Variants in PIEZO2 observed in about 807,000 individuals in gnomAD.
The protein encoded by PIEZO2 is piezo type mechanosensitive ion channel component 2.
In PIEZO2, 172 loss-of-function variants were observed where a neutral mutation model predicts 337.3. The observed-to-expected ratio is 0.51, with a 90% CI of 0.45 to 0.58. The LOEUF (loss-of-function observed/expected upper bound fraction) is 0.58. Among genes scored for constraint, PIEZO2 ranks in the 20% least tolerant of loss-of-function variants. The probability of loss-of-function intolerance (pLI) is 0.00; values close to 1 mark genes in which losing one functional copy is unlikely to be tolerated. For synonymous variants in PIEZO2, 1,251 were observed against 1,228.5 expected (o/e 1.02, Z -0.38); for missense variants, 3,028 against 3,391.3 (o/e 0.89, Z 2.66).
In PIEZO2 at chr18:10,821,538, T is replaced by TA. The variant is rs1352401660; in HGVS notation, c.918-14265dup. On this transcript the variant is annotated intron_variant, in intron 7 of 55. Coordinates refer to ENST00000674853, the MANE Select transcript of PIEZO2 (RefSeq NM_001378183.1). The surrounding 1 kb of genome is among the most constrained non-coding windows in gnomAD (Gnocchi z 4.2). Reference sequence around the variant, plus strand: ...AACACTATATGAATAATAAATATTTTATTTGTAACCAGCTTATACATTAAA... The same window carrying TA: ...AACACTATATGAATAATAAATATTTTAATTTGTAACCAGCTTATACATTAAA... Among the ~76,000 whole-genome samples, 35 of 152,222 alleles carry TA rather than the reference T, an allele frequency of 2.3e-4. No homozygotes were observed. The highest frequency in any genetic ancestry group is 4.4e-4 in the Non-Finnish European group (30 of 68,040).
At position 10,705,582 on chromosome 18, in the gene PIEZO2, T is replaced by G. The variant is rs1156536662; in HGVS notation, c.5753A>C (p.Glu1918Ala). The G allele has an allele frequency of 1.3e-6, 2 of 1,537,106 alleles. No homozygotes were observed. The highest frequency in any genetic ancestry group is 3.9e-5 in the Admixed American group (2 of 50,984). Residue 1918 changes from glutamate to alanine, a missense_variant, in exon 41 of 56, where the codon GAG (glutamate) becomes GCG (alanine). Physicochemically the swap from Glu to Ala is moderately radical, Grantham distance 107. This residue lies in a region of PIEZO2 where 1,925 missense variants were observed against 2,051.9 expected (regional missense o/e 0.94). Transcript: ENST00000674853. Reference protein sequence around the residue: ...TGYDVGAMGAEEASLTPEEEL... With the variant: ...TGYDVGAMGAAEASLTPEEEL... The stretch of plus-strand genomic sequence containing the variant: ...TTCCTCTGGGGTGAGGCTGGCCTCC[T>G]CGGCACCCATGGCTCCCACATCGTA...
At chr18:10,745,304 G>A (rs193092809) in intron 30 of PIEZO2, among the ~76,000 whole-genome samples, 37 of 151,938 alleles carry the variant, frequency 2.4e-4, no homozygotes, top group African/African-American at 7.0e-4. Flanking sequence ...CATCAGTACC[G>A]AATTCTGTCC....
chr18:10,880,898 T>TATATAA (rs2042401244), intron 4 of PIEZO2, among the ~76,000 whole-genome samples: 1 of 89,882 alleles, frequency 1.1e-5, no homozygotes, highest in South Asian at 3.8e-4. Context: ...TATATATATA[T>TATATAA]ATAATTTTGA....
chr18:10,800,779 G>T (rs981241412), intron 10 of PIEZO2, among the ~76,000 whole-genome samples: 4 of 151,382 alleles, frequency 2.6e-5, no homozygotes, highest in Non-Finnish European at 4.4e-5. Context: ...GGCTGAAGGA[G>T]GCCTTCAAGA....
At position 10,781,038 on chromosome 18, in the gene PIEZO2, A is replaced by AG. The variant is rs2038964025; in HGVS notation, c.2493-673dup. ...TGCTACCCCAGAATTAAAAAAAAAA[A>AG]GGATCCTACTCAGCGGCCATATTCA... On this transcript the variant is annotated intron_variant, in intron 17 of 55. Coordinates refer to ENST00000674853, the MANE Select transcript of PIEZO2 (RefSeq NM_001378183.1). This position sits in a 1 kb window ranked among gnomAD's most constrained non-coding sequence, Gnocchi z 4.1. 2.6e-5 allele frequency among the ~76,000 whole-genome samples: 4 copies of AG among 151,962 alleles called. No individual in the cohort carries two copies. The South Asian group carries it at 8.3e-4, about 31-fold the overall frequency.
intron 3 of PIEZO2, among the ~76,000 whole-genome samples, chr18:10,931,140 T>C (rs976878579): frequency 1.3e-5 from 2 of 152,098 alleles, no homozygotes; most frequent in Non-Finnish European, 2.9e-5. Flanking sequence ...CTCTCTTCTC[T>C]ATTTATCTGT....
chr18:11,048,410 T>C lies in PIEZO2; in HGVS notation c.160+17717A>G, dbSNP rs903278334. 6.6e-6 allele frequency among the ~76,000 whole-genome samples: 1 copy of C among 152,212 alleles called. No individual in the cohort carries two copies. On this transcript the variant is annotated intron_variant, in intron 2 of 55. Transcript: ENST00000674853. This position sits in a 1 kb window ranked among gnomAD's most constrained non-coding sequence, Gnocchi z 4.5. Reference sequence around the variant, plus strand: ...TTATTCTGTGACCAAAGGAAATGAATGCATATTTTGTACCAGTATTCTCAG... The same window carrying C: ...TTATTCTGTGACCAAAGGAAATGAACGCATATTTTGTACCAGTATTCTCAG...
intron 2 of PIEZO2, among the ~76,000 whole-genome samples, chr18:11,000,284 T>C (rs2035483167): frequency 6.6e-6 from 1 of 152,220 alleles, no homozygotes; most frequent in South Asian, 2.1e-4. Flanking sequence ...TTGCAAAAGC[T>C]CAATTTTCTA....
intron 4 of PIEZO2, among the ~76,000 whole-genome samples, chr18:10,907,153 G>C (rs1172448001): frequency 6.6e-6 from 1 of 152,096 alleles, no homozygotes; most frequent in Admixed American, 6.5e-5. Context: ...ATTGAATTAA[G>C]AAAGATGGTC....
chr18:10,935,649 A>T (rs1368477608), intron 3 of PIEZO2, among the ~76,000 whole-genome samples: 1 of 152,188 alleles, frequency 6.6e-6, no homozygotes, highest in Non-Finnish European at 1.5e-5. Context: ...CCATGAACAA[A>T]TCTTGGCTTC....
chr18:10,728,954 C>CA (rs143511795), intron 36 of PIEZO2, among the ~76,000 whole-genome samples: 2,449 of 75,080 alleles, frequency 0.033, 65 homozygotes, highest in African/African-American at 0.066. Flanking sequence ...GACTCTGTCT[C>CA]AAAAAAAAAA....
rs185032250 is a variant in PIEZO2 at position 10,847,033 on chromosome 18, T to G, written c.917+8320A>C. Reference sequence around the variant, plus strand: ...ACTATCTTCACCCCTATTTTATAAATAAGGAAACAGAGGTACAGAGAGTTT... The same window carrying G: ...ACTATCTTCACCCCTATTTTATAAAGAAGGAAACAGAGGTACAGAGAGTTT... On this transcript the variant is annotated intron_variant, in intron 7 of 55. Transcript: ENST00000674853. The surrounding 1 kb of genome is among the most constrained non-coding windows in gnomAD (Gnocchi z 5.7). Among the ~76,000 whole-genome samples the G allele has an allele frequency of 1.1e-3, 162 of 152,228 alleles. No individual in the cohort carries two copies. Among genetic ancestry groups the G allele is most frequent in the Non-Finnish European group, 1.7e-3 (113 of 68,012 alleles).
Position 10,939,465 on chromosome 18 carries a change from T to C in PIEZO2, c.287-28237A>G, listed in dbSNP as rs1025463883. On this transcript the variant is annotated intron_variant, in intron 3 of 55. Coordinates refer to ENST00000674853, the MANE Select transcript of PIEZO2 (RefSeq NM_001378183.1). ...TCATTCTACTATAAAGACACATGCA[T>C]ACCTGTGTGTATTGCAACACTATTT... is the stretch of plus-strand genomic sequence containing the variant. Among the ~76,000 whole-genome samples, 9 of 152,294 alleles carry C rather than the reference T, an allele frequency of 5.9e-5. No homozygotes were observed. The South Asian group carries it at 1.9e-3, about 32-fold the overall frequency.
At chr18:10,939,154 A>C (rs890879603) in intron 3 of PIEZO2, among the ~76,000 whole-genome samples, 1 of 152,208 alleles carries the variant, frequency 6.6e-6, no homozygotes, top group African/African-American at 2.4e-5. Context: ...GTTTTCATAA[A>C]TCTTATATTT....
Position 11,016,323 on chromosome 18 carries a change from C to T in PIEZO2, c.161-36663G>A, listed in dbSNP as rs952337066. On this transcript the variant is annotated intron_variant, in intron 2 of 55. Transcript: ENST00000674853. This position sits in a 1 kb window ranked among gnomAD's most constrained non-coding sequence, Gnocchi z 5.6. ...GAGACACAGAATGTGGCGGTAGAGA[C>T]GGTCAGAGCGAAAAAACAGGCACAG... Among the ~76,000 whole-genome samples, 1 of 152,032 alleles carries T rather than the reference C, an allele frequency of 6.6e-6. No homozygotes were observed. The highest frequency in any genetic ancestry group is 2.1e-4 in the South Asian group (1 of 4,802).
At chr18:11,037,018 T>G (rs914225430) in intron 2 of PIEZO2, among the ~76,000 whole-genome samples, 5 of 152,042 alleles carry the variant, frequency 3.3e-5, no homozygotes, top group Non-Finnish European at 7.4e-5. Flanking sequence ...CAGGTTGGAG[T>G]GCAATGGCAC....
chr18:10,726,799 C>T lies in PIEZO2; in HGVS notation c.5029+4608G>A. The T allele has an allele frequency of 5.1e-6, 8 of 1,555,378 alleles. No individual in the cohort carries two copies. The highest frequency in any genetic ancestry group is 7.1e-6 in the Non-Finnish European group (8 of 1,133,534). On this transcript the variant is annotated intron_variant, in intron 36 of 55. Coordinates refer to ENST00000674853, the MANE Select transcript of PIEZO2 (RefSeq NM_001378183.1). The surrounding 1 kb of genome is among the most constrained non-coding windows in gnomAD (Gnocchi z 5.9). Reference sequence around the variant, plus strand: ...GGTGTCCTATGAGGATGTGGACCACCTGCGGCCCCATGGGGTGCTGGATAA... The same window carrying T: ...GGTGTCCTATGAGGATGTGGACCACTTGCGGCCCCATGGGGTGCTGGATAA...
intron 2 of PIEZO2, among the ~76,000 whole-genome samples, chr18:11,005,055 A>G (rs1327647168): frequency 6.6e-6 from 1 of 152,274 alleles, no homozygotes; most frequent in Non-Finnish European, 1.5e-5. Flanking sequence ...TATGTTGGCA[A>G]GAACATTCCA....
intron 28 of PIEZO2, among the ~76,000 whole-genome samples, chr18:10,751,024 G>A (rs570324169): frequency 3.3e-5 from 5 of 152,204 alleles, no homozygotes; most frequent in African/African-American, 7.2e-5. Context: ...TCTCTGATGC[G>A]TTCAAATGGC....
Sources: allele counts gnomAD v4.1 joint callset (sites outside exome capture counted in the v4.1 genomes callset), GRCh38; gene constraint gnomAD v4.1.1; regional missense constraint gnomAD v4.1.1; non-coding constraint Gnocchi (gnomAD v3.1); transcripts MANE v1.5; gene names NCBI Gene and HGNC (gene_info 2026-07-23, HGNC 2026-07-21).